The following ADAMTS18 variants were observed in gnomAD, a reference collection of about 807,000 sequenced individuals.
ADAMTS18 encodes the protein ADAM metallopeptidase with thrombospondin type 1 motif 18, also known as A disintegrin and metalloproteinase with thrombospondin motifs 18.
In ADAMTS18, 157 loss-of-function variants were observed where a neutral mutation model predicts 165.9. The ratio of observed to expected loss-of-function variants is 0.95; its 90% CI spans 0.83 to 1.08. The LOEUF (loss-of-function observed/expected upper bound fraction) is 1.08. Among genes scored for constraint, ADAMTS18 ranks in the 50% least tolerant of loss-of-function variants. ADAMTS18 has a pLI of 0.00. For missense variants in ADAMTS18, 2,040 were observed against 1,534.0 expected (o/e 1.33, Z -5.51); for synonymous variants, 782 against 578.2 (o/e 1.35, Z -5.06).
In ADAMTS18 at chr16:77,306,905, C is replaced by T. The variant is rs77492760; in HGVS notation, c.2533-6501G>A. Among the ~76,000 whole-genome samples the T allele has an allele frequency of 1.7e-4, 26 of 152,316 alleles. No individual in the cohort carries two copies. In the East Asian group the frequency reaches 4.4e-3, roughly 26 times the overall value. On this transcript the variant is annotated intron_variant, in intron 16 of 22. Coordinates refer to ENST00000282849, the MANE Select transcript of ADAMTS18 (RefSeq NM_199355.4). Reference sequence around the variant, plus strand: ...GTTTAACCCTAAAACCTCACATCTTCACTCTCACAACATTGCCTCTCAAGC... The same window carrying T: ...GTTTAACCCTAAAACCTCACATCTTTACTCTCACAACATTGCCTCTCAAGC...
chr16:77,300,734 G>T (rs1446073901), intron 16 of ADAMTS18, among the ~76,000 whole-genome samples: 1 of 152,042 alleles, frequency 6.6e-6, no homozygotes, highest in Admixed American at 6.6e-5. Flanking sequence ...AGAAAGAAAG[G>T]TTATACTGTT....
chr16:77,361,362 C>T (rs937585), intron 7 of ADAMTS18, among the ~76,000 whole-genome samples: 81,262 of 151,978 alleles, frequency 0.53, 22,239 homozygotes, highest in Non-Finnish European at 0.59. Flanking sequence ...ATAAAAGATG[C>T]AATTCTTGCT....
intron 21 of ADAMTS18, chr16:77,291,004 GGTAA>G: frequency 2.4e-6 from 1 of 422,584 alleles, no homozygotes; most frequent in East Asian, 4.9e-5. Context: ...CTGGCCTGGT[GGTAA>G]GTGTTTTACA....
intron 3 of ADAMTS18, among the ~76,000 whole-genome samples, chr16:77,430,859 C>T (rs752733451): frequency 1.3e-5 from 2 of 152,178 alleles, no homozygotes; most frequent in African/African-American, 2.4e-5. Context: ...CAAAAGGCCT[C>T]CCTTCAGCAA....
intron 3 of ADAMTS18, among the ~76,000 whole-genome samples, chr16:77,430,657 A>G (rs957059696): frequency 2.0e-5 from 3 of 152,194 alleles, no homozygotes; most frequent in Non-Finnish European, 2.9e-5. Flanking sequence ...ATTTACACTG[A>G]TATTCTTGGC....
At chr16:77,299,662 A>G (rs62044016) in intron 17 of ADAMTS18, among the ~76,000 whole-genome samples, 30,947 of 152,104 alleles carry the variant, frequency 0.2, 3,528 homozygotes, top group East Asian at 0.45. Context: ...TAACCCCCAA[A>G]TATGTGACAT....
At chr16:77,318,314 A>C (rs1311482686) in intron 16 of ADAMTS18, among the ~76,000 whole-genome samples, 1 of 152,152 alleles carries the variant, frequency 6.6e-6, no homozygotes, top group Non-Finnish European at 1.5e-5. Flanking sequence ...ACCATTTCAC[A>C]ATGAGAAAAA....
chr16:77,290,980 T>G, intron 21 of ADAMTS18: 2 of 479,162 alleles, frequency 4.2e-6, no homozygotes, highest in Admixed American at 3.3e-5. Flanking sequence ...ATGACCAACA[T>G]TAGCAGTGTA....
chr16:77,321,282 C>G (rs77699980), intron 14 of ADAMTS18, 80 bp from the exon 15 acceptor site: 178,977 of 1,568,404 alleles, frequency 0.11, 11,557 homozygotes, highest in East Asian at 0.25. Context: ...GTATATGGTT[C>G]TCTGTATTTA....
intron 8 of ADAMTS18, among the ~76,000 whole-genome samples, chr16:77,358,795 A>G (rs964619095): frequency 3.3e-5 from 5 of 152,220 alleles, no homozygotes; most frequent in Non-Finnish European, 7.3e-5. Flanking sequence ...ACTTGTTCCA[A>G]TGCAGCTGCT....
At chr16:77,425,644 G>T (rs1219650495) in intron 3 of ADAMTS18, among the ~76,000 whole-genome samples, 1 of 152,210 alleles carries the variant, frequency 6.6e-6, no homozygotes, top group Non-Finnish European at 1.5e-5. Context: ...GGGAACACAT[G>T]TCCAGGTACA....
chr16:77,356,153 G>T, intron 8 of ADAMTS18, 76 bp from the exon 9 acceptor site: 1 of 1,591,176 alleles, frequency 6.3e-7, no homozygotes, highest in Non-Finnish European at 8.6e-7. Flanking sequence ...GAAGAATAAA[G>T]ATGTATTGAT....
At position 77,335,751 on chromosome 16, in the gene ADAMTS18, C is replaced by T; in HGVS notation, c.1859+5G>A. 6.2e-7 allele frequency: 1 copy of T among 1,614,178 alleles called. No homozygotes were observed. The highest frequency in any genetic ancestry group is 2.2e-5 in the East Asian group (1 of 44,882). ...GCAAAGACTAACTTTCTGCTGGAGG[C>T]TTACTTGGGGTTATTGCAGTGTCTC... is the stretch of plus-strand genomic sequence containing the variant. On this transcript the variant is annotated splice_donor_5th_base_variant and intron_variant, in intron 12 of 22. Transcript: ENST00000282849.
intron 16 of ADAMTS18, among the ~76,000 whole-genome samples, chr16:77,303,945 G>T (rs1009784223): frequency 6.6e-6 from 1 of 151,992 alleles, no homozygotes; most frequent in Non-Finnish European, 1.5e-5. Context: ...CAGGAGAAGG[G>T]CGTGAACTCA....
chr16:77,343,674 C>G (rs1436831238), intron 10 of ADAMTS18, among the ~76,000 whole-genome samples: 2 of 152,158 alleles, frequency 1.3e-5, no homozygotes, highest in Admixed American at 6.5e-5. Flanking sequence ...GGATTTGCCA[C>G]TGATGGATAT....
At chr16:77,290,254 G>C (rs968416086) in intron 21 of ADAMTS18, among the ~76,000 whole-genome samples, 5 of 152,136 alleles carry the variant, frequency 3.3e-5, no homozygotes, top group Non-Finnish European at 7.3e-5. Context: ...GGCCTCTGTT[G>C]CAAGTACTCC....
intron 3 of ADAMTS18, among the ~76,000 whole-genome samples, chr16:77,396,614 G>C (rs2057260479): frequency 6.6e-6 from 1 of 152,178 alleles, no homozygotes; most frequent in African/African-American, 2.4e-5. Context: ...GAGAAAACCT[G>C]CAGAGAGGAA....
intron 17 of ADAMTS18, 186 bp downstream of exon 17, chr16:77,300,077 G>C: frequency 1.6e-6 from 1 of 643,832 alleles, no homozygotes; most frequent in East Asian, 2.9e-5. Flanking sequence ...CTTTGTGAGA[G>C]TTGATTCCTT....
chr16:77,366,553 T>C (rs1275874866), intron 4 of ADAMTS18, among the ~76,000 whole-genome samples: 3 of 152,084 alleles, frequency 2.0e-5, no homozygotes, highest in Non-Finnish European at 4.4e-5. Flanking sequence ...AGTGAAACTG[T>C]CTCAAACAAA....
Sources: allele counts gnomAD v4.1 joint callset (sites outside exome capture counted in the v4.1 genomes callset), GRCh38; gene constraint gnomAD v4.1.1; transcripts MANE v1.5; gene names NCBI Gene and HGNC (gene_info 2026-07-23, HGNC 2026-07-21).